The following SEMA3E variants were observed in gnomAD, a reference collection of about 807,000 sequenced individuals.
The protein encoded by SEMA3E is semaphorin-3E.
Under a neutral mutation model 93.6 loss-of-function variants are expected in SEMA3E, and 49 were observed. The observed-to-expected ratio is 0.52, with a 90% CI of 0.42 to 0.66. The LOEUF is 0.66. Among genes scored for constraint, SEMA3E ranks in the 30% least tolerant of loss-of-function variants. The pLI is 0.00. For missense variants in SEMA3E, 906 were observed against 964.8 expected (o/e 0.94, Z 0.81); for synonymous variants, 363 against 330.7 (o/e 1.10, Z -1.06).
chr7:83,510,328 T>C (rs1284595983), intron 1 of SEMA3E, among the ~76,000 whole-genome samples: 5 of 152,212 alleles, frequency 3.3e-5, no homozygotes, highest in Admixed American at 6.5e-5. Context: ...GAATATGCAA[T>C]ATCTACCAAT....
chr7:83,587,560 C>G (rs1273519322), intron 1 of SEMA3E, among the ~76,000 whole-genome samples: 1 of 151,946 alleles, frequency 6.6e-6, no homozygotes, highest in Non-Finnish European at 1.5e-5. Context: ...AAATAACTTG[C>G]ATTAGACAAG....
At chr7:83,397,539 T>C (rs1160680404) in intron 11 of SEMA3E, among the ~76,000 whole-genome samples, 1 of 152,116 alleles carries the variant, frequency 6.6e-6, no homozygotes, top group Non-Finnish European at 1.5e-5. Flanking sequence ...GTATACACCA[T>C]TGAGAGAAGT....
intron 1 of SEMA3E, among the ~76,000 whole-genome samples, chr7:83,523,896 G>T (rs1311169094): frequency 6.6e-6 from 1 of 151,970 alleles, no homozygotes; most frequent in Non-Finnish European, 1.5e-5. Flanking sequence ...GACATAGAAA[G>T]CCTGGTAACA....
chr7:83,501,563 G>T (rs1790598430), intron 1 of SEMA3E, among the ~76,000 whole-genome samples: 1 of 151,918 alleles, frequency 6.6e-6, no homozygotes. Context: ...AGCAATTTTT[G>T]TGCCTCAGCC....
intron 1 of SEMA3E, among the ~76,000 whole-genome samples, chr7:83,613,171 C>T (rs1463372774): frequency 2.0e-5 from 3 of 152,062 alleles, no homozygotes; most frequent in African/African-American, 7.2e-5. Context: ...CATCCTATCA[C>T]AACTACTCTA....
At chr7:83,580,318 T>C (rs1326039577) in intron 1 of SEMA3E, among the ~76,000 whole-genome samples, 2 of 152,032 alleles carry the variant, frequency 1.3e-5, no homozygotes, top group South Asian at 2.1e-4. Context: ...CTAAGTAATA[T>C]AGTCAAAACT....
chr7:83,442,161 C>T lies in SEMA3E; in HGVS notation c.457-23678G>A, dbSNP rs185215448. Among the ~76,000 whole-genome samples, 310 of 152,264 alleles carry T rather than the reference C, an allele frequency of 2.0e-3. 7 individuals carry two copies. Among genetic ancestry groups the T allele is most frequent in the Admixed American group, 0.019 (287 of 15,292 alleles). On this transcript the variant is annotated intron_variant, in intron 4 of 16. Transcript: ENST00000643230. ...GTGTTAAATTCCCCTCCAGCCTTTA[C>T]AGAATCTTTCATATCTTATTCCAAA...
intron 1 of SEMA3E, among the ~76,000 whole-genome samples, chr7:83,605,407 T>C (rs1421421657): frequency 6.6e-6 from 1 of 152,010 alleles, no homozygotes; most frequent in African/African-American, 2.4e-5. Flanking sequence ...TATTCACATG[T>C]TTCTTGGCCG....
intron 1 of SEMA3E, among the ~76,000 whole-genome samples, chr7:83,646,960 A>AT (rs1000252179): frequency 6.6e-6 from 1 of 151,850 alleles, no homozygotes; most frequent in Admixed American, 6.6e-5. Flanking sequence ...AATCAATTAT[A>AT]TTTTTTTGCA....
intron 2 of SEMA3E, among the ~76,000 whole-genome samples, chr7:83,483,896 C>T (rs1464420417): frequency 2.0e-5 from 3 of 152,098 alleles, no homozygotes; most frequent in Non-Finnish European, 4.4e-5. Flanking sequence ...CATGACGTAC[C>T]GCTGTTGACC....
At chr7:83,449,325 C>T (rs982089767) in intron 4 of SEMA3E, among the ~76,000 whole-genome samples, 1 of 151,994 alleles carries the variant, frequency 6.6e-6, no homozygotes, top group Non-Finnish European at 1.5e-5. Flanking sequence ...GTCTCAAACT[C>T]CTGGGCTGAA....
chr7:83,407,325 T>A, intron 6 of SEMA3E, 86 bp from the exon 7 acceptor site: 2 of 1,149,000 alleles, frequency 1.7e-6, no homozygotes, highest in Non-Finnish European at 2.5e-6. Context: ...GTATATCATC[T>A]GAATCCTTAA....
intron 1 of SEMA3E, among the ~76,000 whole-genome samples, chr7:83,529,923 C>A (rs1421084480): frequency 2.0e-5 from 3 of 151,920 alleles, no homozygotes; most frequent in Admixed American, 6.6e-5. Context: ...GTAGTAAAGC[C>A]CACTTAATAT....
intron 1 of SEMA3E, among the ~76,000 whole-genome samples, chr7:83,534,657 T>G (rs1791377076): frequency 6.6e-6 from 1 of 152,150 alleles, no homozygotes; most frequent in Non-Finnish European, 1.5e-5. Flanking sequence ...CTGTCACTTG[T>G]TTCTATAAAT....
chr7:83,376,726 C>CT (rs1325475652), intron 16 of SEMA3E, among the ~76,000 whole-genome samples: 1 of 151,962 alleles, frequency 6.6e-6, no homozygotes, highest in East Asian at 1.9e-4. Context: ...AATATACATT[C>CT]TTTTTTGCAT....
intron 2 of SEMA3E, among the ~76,000 whole-genome samples, chr7:83,483,630 G>A (rs889109745): frequency 9.9e-5 from 15 of 151,852 alleles, no homozygotes; most frequent in African/African-American, 3.6e-4. Context: ...AAATAATAAT[G>A]TAGAAAAGAC....
intron 4 of SEMA3E, among the ~76,000 whole-genome samples, chr7:83,458,536 C>A (rs1263794260): frequency 2.0e-5 from 3 of 152,004 alleles, no homozygotes; most frequent in African/African-American, 7.2e-5. Flanking sequence ...TCTTCAACAT[C>A]CCTGTCCAAC....
chr7:83,427,842 A>C (rs1166925656), intron 4 of SEMA3E, among the ~76,000 whole-genome samples: 1 of 152,208 alleles, frequency 6.6e-6, no homozygotes, highest in East Asian at 1.9e-4. Context: ...GTTGGTGTTT[A>C]ACCCTATTGA....
intron 1 of SEMA3E, among the ~76,000 whole-genome samples, chr7:83,592,402 T>C (rs1792773599): frequency 6.6e-6 from 1 of 152,158 alleles, no homozygotes; most frequent in Non-Finnish European, 1.5e-5. Flanking sequence ...TTGAGTCTAT[T>C]CTGTGTTTTA....
Sources: gnomAD v4.1 joint callset for allele counts (sites outside exome capture counted in the v4.1 genomes callset) on GRCh38, gnomAD v4.1.1 for gene constraint, MANE v1.5 for transcripts, NCBI Gene and HGNC (gene_info 2026-07-23, HGNC 2026-07-21) for gene names.